The following UBR3 variants were observed in gnomAD, a reference collection of about 807,000 sequenced individuals.
UBR3 encodes E3 ubiquitin-protein ligase UBR3.
A neutral mutation model predicts 243.2 loss-of-function variants in UBR3; 85 were observed. The ratio of observed to expected loss-of-function variants is 0.35; its 90% CI spans 0.29 to 0.42. The LOEUF is 0.42. Ranked by LOEUF, UBR3 falls within the 10% of genes least tolerant of loss-of-function variation. UBR3 has a pLI of 1.00. For missense variants in UBR3, 1,686 were observed against 2,300.8 expected (o/e 0.73, Z 5.47); for synonymous variants, 748 against 799.8 (o/e 0.94, Z 1.09).
chr2:169,875,203 G>A (rs1395475841), intron 2 of UBR3, among the ~76,000 whole-genome samples: 8 of 151,958 alleles, frequency 5.3e-5, no homozygotes, highest in Non-Finnish European at 1.2e-4. Context: ...CAATGTATTT[G>A]AATTATATCT....
At chr2:170,026,859 T>C (rs1483235199) in intron 30 of UBR3, among the ~76,000 whole-genome samples, 1 of 152,108 alleles carries the variant, frequency 6.6e-6, no homozygotes, top group Non-Finnish European at 1.5e-5. Flanking sequence ...TAGATTCTCT[T>C]CATCCTACGT....
intron 21 of UBR3, among the ~76,000 whole-genome samples, chr2:169,946,895 A>G (rs778572503): frequency 2.6e-4 from 39 of 152,220 alleles, no homozygotes; most frequent in Non-Finnish European, 4.7e-4. Context: ...ATATTGTTAT[A>G]TGGGAGAATG....
chr2:170,051,346 A>T (rs1360231617), intron 32 of UBR3, among the ~76,000 whole-genome samples: 1 of 151,952 alleles, frequency 6.6e-6, no homozygotes, highest in Admixed American at 6.6e-5. Context: ...TATTTATTTT[A>T]TTATTATTAT....
chr2:170,053,320 C>T (rs2091263595), intron 32 of UBR3, among the ~76,000 whole-genome samples: 1 of 152,198 alleles, frequency 6.6e-6, no homozygotes, highest in African/African-American at 2.4e-5. Context: ...AGAGTACCTG[C>T]ATGACCCCAG....
chr2:169,878,449 T>TA, intron 4 of UBR3, 76 bp from the exon 5 acceptor site: 2 of 1,389,910 alleles, frequency 1.4e-6, no homozygotes, highest in Non-Finnish European at 2.0e-6. Context: ...TTGATATTTG[T>TA]ATTTCTCAGA....
chr2:169,931,627 T>A (rs1464804310), intron 18 of UBR3, among the ~76,000 whole-genome samples: 1 of 152,118 alleles, frequency 6.6e-6, no homozygotes, highest in Non-Finnish European at 1.5e-5. Context: ...AAAAAATCTA[T>A]TAAGGAGATA....
In UBR3 at chr2:169,925,699, G is replaced by A; in HGVS notation, c.2103G>A (p.Gln701=). The part of the protein sequence containing the change: ...QIKGQAMTYV[Q]SHFCNSMIDP... ...AAGGACAAGCCATGACGTATGTCCA[G>A]TCTCATTTCTGTAATTCCATGATTG... The change falls in exon 14 of 39, where the codon CAG becomes CAA. Residue 701 remains glutamine, a synonymous_variant. Transcript: ENST00000272793. The A allele has an allele frequency of 2.6e-6, 4 of 1,550,794 alleles. No individual in the cohort carries two copies. Among genetic ancestry groups the A allele is most frequent in the Non-Finnish European group, 3.5e-6 (4 of 1,146,540 alleles).
At chr2:169,832,787 T>C (rs752686983) in intron 1 of UBR3, among the ~76,000 whole-genome samples, 1 of 150,436 alleles carries the variant, frequency 6.6e-6, no homozygotes, top group Non-Finnish European at 1.5e-5. Context: ...TACAAAATTA[T>C]CTGGGCATGA....
At chr2:169,986,199 G>GT (rs1370617149) in intron 24 of UBR3, among the ~76,000 whole-genome samples, 1 of 152,040 alleles carries the variant, frequency 6.6e-6, no homozygotes, top group Non-Finnish European at 1.5e-5. Context: ...GAAAGAAATA[G>GT]TTTTTTTCTC....
At chr2:169,994,071 C>T (rs1574358264) in intron 25 of UBR3, among the ~76,000 whole-genome samples, 1 of 152,096 alleles carries the variant, frequency 6.6e-6, no homozygotes, top group East Asian at 1.9e-4. Flanking sequence ...GATTTAGGAA[C>T]CCATCCATCC....
intron 8 of UBR3, among the ~76,000 whole-genome samples, chr2:169,902,299 A>C (rs1268554133): frequency 6.6e-6 from 1 of 152,072 alleles, no homozygotes; most frequent in Non-Finnish European, 1.5e-5. Context: ...TCTTATCTCT[A>C]GTTGTTGTCA....
At chr2:169,909,727 G>A (rs1204202077) in intron 10 of UBR3, among the ~76,000 whole-genome samples, 1 of 126,642 alleles carries the variant, frequency 7.9e-6, no homozygotes, top group Admixed American at 8.4e-5. Flanking sequence ...ATCCCACAAT[G>A]CATGTGTGTG....
intron 8 of UBR3, among the ~76,000 whole-genome samples, chr2:169,902,372 G>C (rs537671616): frequency 5.3e-5 from 8 of 152,154 alleles, no homozygotes; most frequent in African/African-American, 1.9e-4. Flanking sequence ...AAACCCCCTA[G>C]TGGCTTTCCA....
intron 5 of UBR3, among the ~76,000 whole-genome samples, chr2:169,886,403 A>G (rs2084102119): frequency 6.6e-6 from 1 of 152,156 alleles, no homozygotes; most frequent in African/African-American, 2.4e-5. Context: ...TTTATGAGGC[A>G]ACTTATTCCC....
At chr2:169,962,137 G>A (rs532873155) in intron 24 of UBR3, among the ~76,000 whole-genome samples, 1 of 152,232 alleles carries the variant, frequency 6.6e-6, no homozygotes, top group South Asian at 2.1e-4. Context: ...AGGCCCATGT[G>A]AGTGAGGAAC....
intron 31 of UBR3, among the ~76,000 whole-genome samples, chr2:170,034,595 T>C (rs1051531666): frequency 2.6e-5 from 4 of 152,058 alleles, no homozygotes; most frequent in Non-Finnish European, 4.4e-5. Context: ...ATTTGGTTGC[T>C]TCGAAGTTTT....
intron 1 of UBR3, among the ~76,000 whole-genome samples, chr2:169,840,486 GA>G (rs1432468899): frequency 6.6e-6 from 1 of 152,190 alleles, no homozygotes; most frequent in African/African-American, 2.4e-5. Flanking sequence ...TCACCGGTTG[GA>G]ATCAGGTACC....
intron 22 of UBR3, among the ~76,000 whole-genome samples, chr2:169,948,380 T>C (rs1363399669): frequency 1.3e-5 from 2 of 152,062 alleles, no homozygotes; most frequent in African/African-American, 2.4e-5. Flanking sequence ...AATAAGCCTA[T>C]AAAGTCTTAA....
intron 5 of UBR3, among the ~76,000 whole-genome samples, chr2:169,888,017 C>T (rs1347864098): frequency 1.3e-5 from 2 of 151,962 alleles, no homozygotes; most frequent in Non-Finnish European, 2.9e-5. Flanking sequence ...CTCAGGTGAT[C>T]CGCCCACCTC....
Sources: gnomAD v4.1 joint callset for allele counts (sites outside exome capture counted in the v4.1 genomes callset) on GRCh38, gnomAD v4.1.1 for gene constraint, MANE v1.5 for transcripts, NCBI Gene and HGNC (gene_info 2026-07-23, HGNC 2026-07-21) for gene names.